WWC2: variants seen among roughly 807,000 people sequenced by gnomAD.
The protein encoded by WWC2 is WW and C2 domain containing 2.
Under a neutral mutation model 138.5 loss-of-function variants are expected in WWC2, and 101 were observed. The ratio of observed to expected loss-of-function variants is 0.73; its 90% CI spans 0.62 to 0.86. The LOEUF is 0.86. Among genes scored for constraint, WWC2 ranks in the 40% least tolerant of loss-of-function variants. The pLI is 0.00. For missense variants in WWC2, 1,420 were observed against 1,419.4 expected (o/e 1.00, Z -0.01); for synonymous variants, 558 against 538.4 (o/e 1.04, Z -0.50).
At chr4:183,249,796 G>A (rs976993441) in intron 7 of WWC2, 124 bp from the exon 8 acceptor site, 1 of 696,392 alleles carries the variant, frequency 1.4e-6, no homozygotes, top group African/African-American at 1.8e-5. Flanking sequence ...TAAAATTGGT[G>A]TTTCCCGATT....
chr4:183,224,435 TTTG>T (rs1328246172), intron 4 of WWC2, among the ~76,000 whole-genome samples: 1 of 152,212 alleles, frequency 6.6e-6, no homozygotes. Context: ...ACCACTTCTG[TTTG>T]TTATTTACTG....
chr4:183,186,451 C>T (rs532581268), intron 1 of WWC2, among the ~76,000 whole-genome samples: 34 of 152,230 alleles, frequency 2.2e-4, no homozygotes, highest in Admixed American at 1.5e-3. Flanking sequence ...CTCCTGTTTA[C>T]AGCCTCTAGG....
chr4:183,234,188 C>T (rs1339399929), intron 4 of WWC2, among the ~76,000 whole-genome samples: 4 of 152,152 alleles, frequency 2.6e-5, no homozygotes, highest in South Asian at 2.1e-4. Context: ...CTACTTACCA[C>T]GTTTAATCAC....
rs527850276 is a variant in WWC2, at chr4:183,268,219, G to A, written c.2208-752G>A. ...AATGGGGGTGGAGGGGATAGACTTAGCGGTATTCTCTTCCTGGGATTTAAA... is the reference window on the plus strand; with the variant it reads ...AATGGGGGTGGAGGGGATAGACTTAACGGTATTCTCTTCCTGGGATTTAAA... On this transcript the variant is annotated intron_variant, in intron 14 of 22. Transcript: ENST00000403733. Among the ~76,000 whole-genome samples the A allele has an allele frequency of 5.9e-5, 9 of 152,310 alleles. 2 individuals are homozygous for A. The South Asian group carries it at 1.9e-3, about 32-fold the overall frequency.
chr4:183,168,747 C>A (rs1019777169), intron 1 of WWC2, among the ~76,000 whole-genome samples: 2 of 152,112 alleles, frequency 1.3e-5, no homozygotes, highest in African/African-American at 4.8e-5. Flanking sequence ...ACAACAGATA[C>A]CATTCTCATT....
At chr4:183,220,766 G>A (rs1005643866) in intron 4 of WWC2, among the ~76,000 whole-genome samples, 11 of 151,782 alleles carry the variant, frequency 7.2e-5, no homozygotes, top group African/African-American at 2.4e-4. Context: ...CCCGGGAGGC[G>A]GAGCTTGCAG....
rs10690640 is a variant in WWC2 at position 183,178,377 on chromosome 4, C to CAAATAAATAAAT, written c.132-15189_132-15178dup. On this transcript the variant is annotated intron_variant, in intron 1 of 22. Transcript: ENST00000403733. ...GCTACACAGTGAGACCCTGTTTCTA[C>CAAATAAATAAAT]AAATAAATAAATAAATAAATAAATA... is the stretch of plus-strand genomic sequence containing the variant. 8.4e-3 allele frequency among the ~76,000 whole-genome samples: 1,125 copies of CAAATAAATAAAT among 134,580 alleles called. 7 individuals carry two copies. The highest frequency in any genetic ancestry group is 0.011 in the East Asian group (52 of 4,542). 88.3% of individuals were successfully genotyped at this position (134,580 alleles called of 152,430 possible). A position where few individuals can be genotyped will look rare whatever the true frequency, so the allele number is the denominator to read the frequency against.
chr4:183,114,714 A>G (rs759810306), intron 1 of WWC2, among the ~76,000 whole-genome samples: 20 of 151,484 alleles, frequency 1.3e-4, no homozygotes, highest in Non-Finnish European at 2.8e-4. Context: ...CAGAGTACAC[A>G]CGTGGATTTG....
chr4:183,174,944 A>G (rs1734418312), intron 1 of WWC2, among the ~76,000 whole-genome samples: 1 of 151,888 alleles, frequency 6.6e-6, no homozygotes, highest in South Asian at 2.1e-4. Context: ...AGATATTATG[A>G]CCCGTCACTC....
intron 17 of WWC2, 118 bp downstream of exon 17, chr4:183,281,015 C>T: frequency 7.3e-7 from 1 of 1,372,442 alleles, no homozygotes; most frequent in Non-Finnish European, 9.6e-7. Flanking sequence ...ACTGCACCTT[C>T]AGGAAGCTGT....
At chr4:183,275,201 T>C (rs1164564052) in intron 16 of WWC2, among the ~76,000 whole-genome samples, 3 of 152,152 alleles carry the variant, frequency 2.0e-5, no homozygotes, top group Non-Finnish European at 4.4e-5. Flanking sequence ...TTAATTCTAA[T>C]AGTTTTTTTA....
In WWC2 at chr4:183,113,480, CTGTGTGTGTG is replaced by C. The variant is rs113602820; in HGVS notation, c.131+13885_131+13894del. 1.5e-3 allele frequency among the ~76,000 whole-genome samples: 215 copies of C among 143,800 alleles called. 1 individual carries two copies. The highest frequency in any genetic ancestry group is 3.5e-3 in the African/African-American group (136 of 39,150). The allele number at this position is 143,800 out of a possible 152,430, so 94.3% of individuals were successfully genotyped here. On this transcript the variant is annotated intron_variant, in intron 1 of 22. Transcript: ENST00000403733. The stretch of plus-strand genomic sequence containing the variant: ...CAATTGAACTGAGGTAAGGTGGGGC[CTGTGTGTGTG>C]TGTGTGTGTGTGTGTGTGTGTGTGT...
intron 4 of WWC2, among the ~76,000 whole-genome samples, chr4:183,228,136 A>T (rs1386116737): frequency 6.6e-6 from 1 of 152,102 alleles, no homozygotes; most frequent in Non-Finnish European, 1.5e-5. Context: ...ATACCAATCA[A>T]ATCCTAACAG....
At chr4:183,173,081 G>C (rs929805141) in intron 1 of WWC2, among the ~76,000 whole-genome samples, 1 of 151,184 alleles carries the variant, frequency 6.6e-6, no homozygotes, top group Admixed American at 6.6e-5. Context: ...AGGGTGCTCT[G>C]TCACCCAGGC....
At chr4:183,246,579 C>G (rs1468396057) in intron 6 of WWC2, among the ~76,000 whole-genome samples, 1 of 152,190 alleles carries the variant, frequency 6.6e-6, no homozygotes, top group Non-Finnish European at 1.5e-5. Context: ...ATTCTTCTAA[C>G]TGCCTTGCAT....
At chr4:183,290,026 T>C (rs946054680) in intron 21 of WWC2, among the ~76,000 whole-genome samples, 1 of 152,158 alleles carries the variant, frequency 6.6e-6, no homozygotes, top group Non-Finnish European at 1.5e-5. Context: ...GACATTTTGT[T>C]TGGATTTTCT....
At chr4:183,186,330 A>T (rs1734799465) in intron 1 of WWC2, among the ~76,000 whole-genome samples, 1 of 152,160 alleles carries the variant, frequency 6.6e-6, no homozygotes, top group Non-Finnish European at 1.5e-5. Context: ...GTGCTTTTTC[A>T]AAGGCAAATC....
chr4:183,238,456 C>T (rs1736499024), intron 4 of WWC2, among the ~76,000 whole-genome samples: 1 of 152,070 alleles, frequency 6.6e-6, no homozygotes, highest in Admixed American at 6.5e-5. Flanking sequence ...CTTTAATCTC[C>T]TTGATTCTCG....
At chr4:183,126,009 G>A (rs1282835841) in intron 1 of WWC2, among the ~76,000 whole-genome samples, 7 of 152,210 alleles carry the variant, frequency 4.6e-5, no homozygotes, top group Admixed American at 2.6e-4. Flanking sequence ...CATGCATGTA[G>A]ATGCAAGGTC....
Sources: allele counts gnomAD v4.1 joint callset (sites outside exome capture counted in the v4.1 genomes callset), GRCh38; gene constraint gnomAD v4.1.1; transcripts MANE v1.5; gene names NCBI Gene and HGNC (gene_info 2026-07-23, HGNC 2026-07-21).